Variants in ASAP3 observed in about 807,000 individuals in gnomAD.
ASAP3 encodes the protein ArfGAP with SH3 domain, ankyrin repeat and PH domain 3.
Under a neutral mutation model 118.2 loss-of-function variants are expected in ASAP3, and 85 were observed. The ratio of observed to expected loss-of-function variants is 0.72; its 90% CI spans 0.60 to 0.86. The LOEUF (loss-of-function observed/expected upper bound fraction) is 0.86, where lower values mean the gene tolerates loss of function less well. ASAP3 is among the 40% of genes least tolerant of loss of function. ASAP3 has a pLI of 0.00. For synonymous variants in ASAP3, 432 were observed against 477.4 expected (o/e 0.90, Z 1.24); for missense variants, 1,026 against 1,175.0 (o/e 0.87, Z 1.85).
At position 23,436,711 on chromosome 1, in the gene ASAP3, A is replaced by G. The variant is rs538468969; in HGVS notation, c.1477-57T>C. 1 of 1,605,064 alleles carries G rather than the reference A, an allele frequency of 6.2e-7. No individual in the cohort carries two copies. Among genetic ancestry groups the G allele is most frequent in the Non-Finnish European group, 8.5e-7 (1 of 1,172,142 alleles). On this transcript the variant is annotated intron_variant, in intron 15 of 24. Coordinates refer to ENST00000336689, the MANE Select transcript of ASAP3 (RefSeq NM_017707.4). This position sits in a 1 kb window ranked among gnomAD's most constrained non-coding sequence, Gnocchi z 4.2. ...AGTAAGACCGGGCGGTTAAGCCTGC[A>G]TAGGGTGGAGCTCCAAGCCCCCAGA...
chr1:23,483,864 CG>C, intron 1 of ASAP3, 140 bp downstream of exon 1: 1 of 941,832 alleles, frequency 1.1e-6, no homozygotes. Context: ...GTTGGAGATG[CG>C]CTCGGTCCTC....
rs1195261457 is a variant in ASAP3 at position 23,436,385 on chromosome 1, AT to A, written c.1571+174del. The stretch of plus-strand genomic sequence containing the variant: ...GCCATCTTAGCCGGGCTGGTCTCAA[AT>A]TCCTGACCTCAAGTGATCCGCCCGC... On this transcript the variant is annotated intron_variant, in intron 16 of 24. Transcript: ENST00000336689. The surrounding 1 kb of genome is among the most constrained non-coding windows in gnomAD (Gnocchi z 4.2). Among the ~76,000 whole-genome samples, 1 of 152,158 alleles carries A rather than the reference AT, an allele frequency of 6.6e-6. No individual in the cohort carries two copies. Among genetic ancestry groups the A allele is most frequent in the African/African-American group, 2.4e-5 (1 of 41,438 alleles).
chr1:23,438,125 A>T lies in ASAP3; in HGVS notation c.1102+622T>A, dbSNP rs1640741585. On this transcript the variant is annotated intron_variant, in intron 12 of 24. Transcript: ENST00000336689. This position sits in a 1 kb window ranked among gnomAD's most constrained non-coding sequence, Gnocchi z 4.9. ...CTCCTCAAAAGCCCCCACCCCACAA[A>T]CTCTTCATTCTACATGTCCTTCAAG... Among the ~76,000 whole-genome samples, 1 of 151,120 alleles carries T rather than the reference A, an allele frequency of 6.6e-6. No homozygotes were observed. The highest frequency in any genetic ancestry group is 1.5e-5 in the Non-Finnish European group (1 of 67,754).
At chr1:23,473,467 T>C (rs369307832) in intron 1 of ASAP3, among the ~76,000 whole-genome samples, 11 of 152,188 alleles carry the variant, frequency 7.2e-5, no homozygotes, top group Non-Finnish European at 1.3e-4. Flanking sequence ...ACTGTTCCCC[T>C]GTGGGTCTCA....
chr1:23,483,182 C>G (rs952075235), intron 1 of ASAP3, among the ~76,000 whole-genome samples: 1 of 152,208 alleles, frequency 6.6e-6, no homozygotes, highest in Admixed American at 6.5e-5. Flanking sequence ...GGGTGGAAGG[C>G]TAGAGCCGTT....
chr1:23,432,944 A>T, intron 22 of ASAP3, 133 bp downstream of exon 22: 1 of 929,088 alleles, frequency 1.1e-6, no homozygotes, highest in South Asian at 1.7e-5. Context: ...TGTAAGGGGA[A>T]GATGAGAACC....
chr1:23,437,190 G>A lies in ASAP3; in HGVS notation c.1282C>T (p.Leu428Phe), dbSNP rs780857824. ...GGCCTGCTCTTCACCTCCGCGATGA[G>A]CAGCTTTGTGAGGTCGTGCGGCTCC... ...DGEPHDLTKL[L>F]IAEVKSRPGN... is the part of the protein sequence containing the mutation. The change falls in exon 14 of 25, where the codon CTC becomes TTC. Residue 428 changes from leucine to phenylalanine, a missense_variant. By Grantham distance (22) the Leu-to-Phe change is conservative. Coordinates refer to ENST00000336689, the MANE Select transcript of ASAP3 (RefSeq NM_017707.4). This position sits in a 1 kb window ranked among gnomAD's most constrained non-coding sequence, Gnocchi z 6.1. The A allele has an allele frequency of 6.2e-7, 1 of 1,606,990 alleles. No homozygotes were observed. Among genetic ancestry groups the A allele is most frequent in the Non-Finnish European group, 8.5e-7 (1 of 1,177,142 alleles).
At chr1:23,462,084 C>T (rs940585281) in intron 1 of ASAP3, among the ~76,000 whole-genome samples, 3 of 151,410 alleles carry the variant, frequency 2.0e-5, no homozygotes, top group African/African-American at 7.3e-5. Context: ...AGTGCAGTGG[C>T]ACAATCTCGG....
intron 22 of ASAP3, 54 bp from the exon 23 acceptor site, chr1:23,431,972 G>T: frequency 6.7e-7 from 1 of 1,483,594 alleles, no homozygotes. Flanking sequence ...CTTGCTCTGT[G>T]CCCAACCTCA....
At chr1:23,481,444 G>A (rs960473868) in intron 1 of ASAP3, among the ~76,000 whole-genome samples, 1 of 152,150 alleles carries the variant, frequency 6.6e-6, no homozygotes, top group Non-Finnish European at 1.5e-5. Context: ...CAATATAATC[G>A]CAAAATATAA....
chr1:23,451,618 G>A, intron 4 of ASAP3, 90 bp from the exon 5 acceptor site: 2 of 1,410,128 alleles, frequency 1.4e-6, no homozygotes, highest in Non-Finnish European at 2.0e-6. Flanking sequence ...GGACCTGCTA[G>A]TGTGCTCCCC....
chr1:23,454,046 G>T (rs652715), intron 3 of ASAP3, among the ~76,000 whole-genome samples: 5 of 151,928 alleles, frequency 3.3e-5, no homozygotes, highest in African/African-American at 1.2e-4. Flanking sequence ...TTGAGACAGG[G>T]TCTTGCTTTG....
chr1:23,475,695 C>A (rs1642106070), intron 1 of ASAP3, among the ~76,000 whole-genome samples: 1 of 152,308 alleles, frequency 6.6e-6, no homozygotes, highest in Middle Eastern at 3.4e-3. Context: ...CTTGGCCAGG[C>A]ACAAGTGGCT....
At position 23,437,090 on chromosome 1, in the gene ASAP3, C is replaced by G. The variant is rs771860516; in HGVS notation, c.1342+40G>C. On this transcript the variant is annotated intron_variant, in intron 14 of 24. Transcript: ENST00000336689. This position sits in a 1 kb window ranked among gnomAD's most constrained non-coding sequence, Gnocchi z 6.1. The stretch of plus-strand genomic sequence containing the variant: ...AGCCTGGAGGTGCAGCCCCTCCCCT[C>G]CACTTAAGCCTCCCTCCTGCCCCGG... The G allele has an allele frequency of 6.2e-7, 1 of 1,600,930 alleles. No individual in the cohort carries two copies. Among genetic ancestry groups the G allele is most frequent in the Non-Finnish European group, 8.5e-7 (1 of 1,173,418 alleles).
At chr1:23,440,651 T>C (rs1018794603) in intron 10 of ASAP3, among the ~76,000 whole-genome samples, 2 of 147,886 alleles carry the variant, frequency 1.4e-5, no homozygotes, top group Non-Finnish European at 3.0e-5. Flanking sequence ...GGTCAGGAGA[T>C]CGAGACCATC....
chr1:23,436,766 A>G lies in ASAP3; in HGVS notation c.1477-112T>C. On this transcript the variant is annotated intron_variant, in intron 15 of 24. Transcript: ENST00000336689. This position sits in a 1 kb window ranked among gnomAD's most constrained non-coding sequence, Gnocchi z 4.2. The stretch of plus-strand genomic sequence containing the variant: ...CGCCCCTCGGCCGCCCTCCCGGTTC[A>G]GGCCCCGCCCCTGACCACCCGCTAC... 1 of 1,542,310 alleles carries G rather than the reference A, an allele frequency of 6.5e-7. No homozygotes were observed. The highest frequency in any genetic ancestry group is 1.2e-5 in the South Asian group (1 of 83,220).
chr1:23,452,668 C>T (rs1357485256), intron 4 of ASAP3, 29 bp downstream of exon 4: 1 of 1,609,908 alleles, frequency 6.2e-7, no homozygotes, highest in Non-Finnish European at 8.5e-7. Flanking sequence ...TTACTCTGTC[C>T]CACCACCACT....
chr1:23,477,586 A>G (rs550963679), intron 1 of ASAP3, among the ~76,000 whole-genome samples: 1 of 152,198 alleles, frequency 6.6e-6, no homozygotes, highest in African/African-American at 2.4e-5. Context: ...CTAAGGCCAC[A>G]CGTGTGGACA....
intron 17 of ASAP3, among the ~76,000 whole-genome samples, 179 bp from the exon 18 acceptor site, chr1:23,434,797 C>T (rs919876089): frequency 4.6e-5 from 7 of 152,148 alleles, no homozygotes; most frequent in African/African-American, 1.7e-4. Context: ...GGGCCATTCT[C>T]CCATTGTTCC....
Sources: gnomAD v4.1 joint callset for allele counts (sites outside exome capture counted in the v4.1 genomes callset) on GRCh38, gnomAD v4.1.1 for gene constraint, Gnocchi (gnomAD v3.1) non-coding constraint, MANE v1.5 for transcripts, NCBI Gene and HGNC (gene_info 2026-07-23, HGNC 2026-07-21) for gene names.